The following CNOT10 variants were observed in gnomAD, a reference collection of about 807,000 sequenced individuals.
CNOT10 encodes the protein CCR4-NOT transcription complex subunit 10, also known as CCR4-NOT transcription complex, subunit 10.
Under a neutral mutation model 94.6 loss-of-function variants are expected in CNOT10, and 30 were observed. That is an observed-to-expected ratio of 0.32 (90% CI 0.24 to 0.43). CNOT10 has a LOEUF of 0.43. Ranked by LOEUF, CNOT10 falls within the 20% of genes least tolerant of loss-of-function variation. CNOT10 has a pLI of 1.00. For synonymous variants in CNOT10, 289 were observed against 301.6 expected (o/e 0.96, Z 0.43); for missense variants, 759 against 877.2 (o/e 0.87, Z 1.70).
chr3:32,753,668 A>G, intron 13 of CNOT10: 1 of 1,580,578 alleles, frequency 6.3e-7, no homozygotes, highest in Non-Finnish European at 8.6e-7. Context: ...AGAAATTGGG[A>G]TAAATTAGTG....
At chr3:32,713,918 G>A (rs1000678111) in intron 5 of CNOT10, among the ~76,000 whole-genome samples, 2 of 152,028 alleles carry the variant, frequency 1.3e-5, no homozygotes, top group African/African-American at 4.8e-5. Context: ...TTATCAGTTG[G>A]TGGACATTTG....
intron 17 of CNOT10, 95 bp downstream of exon 17, chr3:32,764,904 G>A: frequency 6.4e-7 from 1 of 1,553,930 alleles, no homozygotes; most frequent in Non-Finnish European, 8.7e-7. Flanking sequence ...CATCTGATCA[G>A]TTTGTTAAAT....
chr3:32,753,289 C>A, intron 13 of CNOT10: 1 of 876,020 alleles, frequency 1.1e-6, no homozygotes, highest in Non-Finnish European at 2.0e-6. Flanking sequence ...CTCAGAATGG[C>A]CCAGAATCTG....
Position 32,695,433 on chromosome 3 carries a change from C to A in CNOT10, c.23-8435C>A, listed in dbSNP as rs904503177. 73 of 715,332 alleles carry A rather than the reference C, an allele frequency of 1.0e-4. No individual in the cohort carries two copies. The African/African-American group carries it at 1.3e-3, about 13-fold the overall frequency. The allele number at this position is 715,332 out of a possible 1,614,324, so 44.3% of individuals were successfully genotyped here. A position where few individuals can be genotyped will look rare whatever the true frequency, so the allele number is the denominator to read the frequency against. Reference sequence around the variant, plus strand: ...TCCCTTTTTTCTTTGGAAAAGTTTTCTTTTCTTGATATATCAGTGGAGCTG... The same window carrying A: ...TCCCTTTTTTCTTTGGAAAAGTTTTATTTTCTTGATATATCAGTGGAGCTG... On this transcript the variant is annotated intron_variant, in intron 1 of 18. Coordinates refer to ENST00000328834, the MANE Select transcript of CNOT10 (RefSeq NM_015442.3).
At chr3:32,773,408 T>C in intron 18 of CNOT10, 49 bp from the exon 19 acceptor site, 1 of 1,551,932 alleles carries the variant, frequency 6.4e-7, no homozygotes, top group Non-Finnish European at 8.7e-7. Context: ...GCTTTGTGTG[T>C]GGCAGTATTG....
intron 13 of CNOT10, among the ~76,000 whole-genome samples, chr3:32,737,769 G>A (rs2125586058): frequency 6.6e-6 from 1 of 151,994 alleles, no homozygotes; most frequent in Non-Finnish European, 1.5e-5. Flanking sequence ...GTTGCAGTGA[G>A]TGTGCCACTG....
intron 1 of CNOT10, among the ~76,000 whole-genome samples, chr3:32,696,327 A>G (rs1240714918): frequency 2.0e-5 from 3 of 150,870 alleles, no homozygotes; most frequent in Non-Finnish European, 3.0e-5. Context: ...AAAAAAAAAA[A>G]GAAGAAGAAG....
At chr3:32,762,634 TA>T (rs1700501095) in intron 14 of CNOT10, 98 bp from the exon 15 acceptor site, 1 of 1,227,950 alleles carries the variant, frequency 8.1e-7, no homozygotes. Flanking sequence ...ATGAGACCTA[TA>T]TCCAATGTAT....
intron 10 of CNOT10, chr3:32,731,001 C>T (rs911352453): frequency 1.3e-5 from 2 of 152,156 alleles, no homozygotes; most frequent in Non-Finnish European, 2.9e-5. Context: ...TTGTTTTCAT[C>T]TGTTGCATCT....
chr3:32,699,975 C>CT (rs565780036), intron 1 of CNOT10, among the ~76,000 whole-genome samples: 10,773 of 129,212 alleles, frequency 0.083, 586 homozygotes, highest in Middle Eastern at 0.12. Context: ...ATATCAGTTT[C>CT]TTTTTTTTTT....
intron 13 of CNOT10, among the ~76,000 whole-genome samples, chr3:32,741,371 C>T (rs1190404653): frequency 6.6e-6 from 1 of 151,968 alleles, no homozygotes; most frequent in East Asian, 1.9e-4. Context: ...ACAAATAAAG[C>T]TGCTAGAAAT....
At chr3:32,717,949 T>C (rs1270298901) in intron 7 of CNOT10, among the ~76,000 whole-genome samples, 3 of 152,194 alleles carry the variant, frequency 2.0e-5, no homozygotes, top group African/African-American at 7.2e-5. Flanking sequence ...AAGTGACTTT[T>C]GGCTTGACAG....
At chr3:32,753,010 TGACTAA>T in intron 13 of CNOT10, 1 of 481,010 alleles carries the variant, frequency 2.1e-6, no homozygotes, top group Non-Finnish European at 4.1e-6. Context: ...TTAGAGGAGC[TGACTAA>T]GGCTTTGGAA....
At chr3:32,688,414 C>A (rs1696717417) in intron 1 of CNOT10, among the ~76,000 whole-genome samples, 1 of 151,794 alleles carries the variant, frequency 6.6e-6, no homozygotes, top group Admixed American at 6.6e-5. Context: ...GCCTGACCAA[C>A]ATGGTGAAAC....
intron 13 of CNOT10, among the ~76,000 whole-genome samples, chr3:32,751,549 T>C (rs1339223034): frequency 6.6e-6 from 1 of 152,252 alleles, no homozygotes; most frequent in Admixed American, 6.5e-5. Flanking sequence ...TTTCAGACTC[T>C]AATGTGACAG....
At chr3:32,734,723 G>A in intron 11 of CNOT10, 77 bp from the exon 12 acceptor site, 1 of 1,172,416 alleles carries the variant, frequency 8.5e-7, no homozygotes, top group East Asian at 2.4e-5. Flanking sequence ...TAATCAATTG[G>A]TTTTATTCCT....
intron 9 of CNOT10, among the ~76,000 whole-genome samples, chr3:32,727,305 C>G (rs569144249): frequency 6.6e-6 from 1 of 151,800 alleles, no homozygotes; most frequent in Non-Finnish European, 1.5e-5. Context: ...CCCCCCATCT[C>G]TACAAAAATA....
At chr3:32,762,166 T>TAA (rs556098480) in intron 14 of CNOT10, among the ~76,000 whole-genome samples, 4 of 110,152 alleles carry the variant, frequency 3.6e-5, no homozygotes, top group African/African-American at 6.7e-5. Context: ...GGTCCCCAGT[T>TAA]AAAAAAAAAA....
chr3:32,722,148 T>G (rs1419952137), intron 8 of CNOT10, among the ~76,000 whole-genome samples: 1 of 152,214 alleles, frequency 6.6e-6, no homozygotes, highest in Non-Finnish European at 1.5e-5. Context: ...AAGTTTAAAA[T>G]GCAAACAATT....
Sources: allele counts gnomAD v4.1 joint callset (sites outside exome capture counted in the v4.1 genomes callset), GRCh38; gene constraint gnomAD v4.1.1; transcripts MANE v1.5; gene names NCBI Gene and HGNC (gene_info 2026-07-23, HGNC 2026-07-21).